JPH3: variants seen among roughly 807,000 people sequenced by gnomAD.
The protein encoded by JPH3 is junctophilin 3.
JPH3 carries 11 observed loss-of-function variants against 59.6 expected under a neutral mutation model. The observed-to-expected ratio is 0.18, with a 90% CI of 0.12 to 0.31. The LOEUF is 0.31. JPH3 is among the 10% of genes least tolerant of loss of function. JPH3 has a pLI of 1.00. For missense variants in JPH3, 1,202 were observed against 1,105.7 expected, an observed-to-expected ratio of 1.09 and a Z score of -1.24; for synonymous variants, 673 against 483.6, an observed-to-expected ratio of 1.39 and a Z score of -5.14.
rs1351529512 is a variant in JPH3 at position 87,690,310 on chromosome 16, C to T, written c.1950C>T (p.Phe650=). The change falls in exon 4 of 5, where the codon TTC becomes TTT. Residue 650 remains phenylalanine (F), a synonymous_variant. Transcript: ENST00000284262. ...GDDHRPEDRG[F]GVQRLRSKAQ... is the part of the protein sequence containing the mutation. ...ACCACCGCCCCGAGGACCGGGGCTT[C>T]GGGGTGCAGAGACTGCGGTCCAAGG... The T allele has an allele frequency of 3.8e-6, 6 of 1,594,718 alleles. No individual in the cohort carries two copies. The highest frequency in any genetic ancestry group is 2.3e-5 in the East Asian group (1 of 43,890).
Position 87,629,091 on chromosome 16 carries a change from C to G in JPH3, c.383-15167C>G, listed in dbSNP as rs2031478410. 2.0e-5 allele frequency among the ~76,000 whole-genome samples: 3 copies of G among 152,026 alleles called. No homozygotes were observed. The East Asian group carries it at 5.9e-4, about 30-fold the overall frequency. The stretch of plus-strand genomic sequence containing the variant: ...GTGGGGGGGGCCCAGGTCTCCACCT[C>G]TTGTTGCTGTGTGGCCTTGGGCAAG... On this transcript the variant is annotated intron_variant, in intron 1 of 4. Coordinates refer to ENST00000284262, the MANE Select transcript of JPH3 (RefSeq NM_020655.4).
intron 3 of JPH3, 55 bp from the exon 4 acceptor site, chr16:87,689,591 C>T (rs1172483210): frequency 3.8e-6 from 6 of 1,572,772 alleles, no homozygotes; most frequent in East Asian, 2.4e-5. Flanking sequence ...ACCGCGGCCT[C>T]GCTGTGGAAT....
At chr16:87,647,172 C>G (rs2032180380) in intron 2 of JPH3, among the ~76,000 whole-genome samples, 1 of 152,006 alleles carries the variant, frequency 6.6e-6, no homozygotes. Context: ...GGGGGAGATG[C>G]CTACGTATAA....
At chr16:87,664,095 G>A (rs2032785859) in intron 2 of JPH3, among the ~76,000 whole-genome samples, 1 of 152,120 alleles carries the variant, frequency 6.6e-6, no homozygotes, top group Non-Finnish European at 1.5e-5. Flanking sequence ...ACTTTGGGAG[G>A]CCGAGGCGGG....
At position 87,649,565 on chromosome 16, in the gene JPH3, A is replaced by T. The variant is rs529422457; in HGVS notation, c.1160+4530A>T. Among the ~76,000 whole-genome samples, 67 of 152,306 alleles carry T rather than the reference A, an allele frequency of 4.4e-4. 1 individual carries two copies. Among genetic ancestry groups the T allele is most frequent in the Admixed American group, 3.7e-3 (57 of 15,306 alleles). On this transcript the variant is annotated intron_variant, in intron 2 of 4. Coordinates refer to ENST00000284262, the MANE Select transcript of JPH3 (RefSeq NM_020655.4). ...ATGTGTCACCCATCCTAGAGAAGAA[A>T]GTCCTGCAGTGTGACATGGCTTCAT...
rs4989519 is a variant in JPH3, at chr16:87,677,229, A to T, written c.1161-6913A>T. 4.0e-5 allele frequency among the ~76,000 whole-genome samples: 5 copies of T among 126,068 alleles called. 1 individual carries two copies. Among genetic ancestry groups the T allele is most frequent in the Admixed American group, 1.6e-4 (2 of 12,282 alleles). 82.7% of individuals were successfully genotyped at this position (126,068 alleles called of 152,430 possible). Reference sequence around the variant, plus strand: ...ACACACACACACACACACACACAAAAAAAAAAATTAGCCGGGTGTGGTGGG... The same window carrying T: ...ACACACACACACACACACACACAAATAAAAAAATTAGCCGGGTGTGGTGGG... On this transcript the variant is annotated intron_variant, in intron 2 of 4. Coordinates refer to ENST00000284262, the MANE Select transcript of JPH3 (RefSeq NM_020655.4).
rs1218615096 is a variant in JPH3 at position 87,695,836 on chromosome 16, C to T, written c.2167-744C>T. The stretch of plus-strand genomic sequence containing the variant: ...TTGTGAGACGTGTCCTACCTGGCCC[C>T]GGCAAGCACAGGGAAGGTGGCAGCT... On this transcript the variant is annotated intron_variant, in intron 4 of 4. Transcript: ENST00000284262. 12 of 455,916 alleles carry T rather than the reference C, an allele frequency of 2.6e-5. No homozygotes were observed. The Middle Eastern group carries it at 9.7e-4, about 37-fold the overall frequency. 28.2% of individuals were successfully genotyped at this position (455,916 alleles called of 1,614,324 possible).
chr16:87,695,393 C>G (rs1038122251), intron 4 of JPH3: 1 of 456,136 alleles, frequency 2.2e-6, no homozygotes, highest in South Asian at 1.5e-5. Flanking sequence ...ACCTTCAGGA[C>G]AAGCCCTGGT....
chr16:87,658,140 C>A (rs916131144), intron 2 of JPH3, among the ~76,000 whole-genome samples: 7 of 152,152 alleles, frequency 4.6e-5, no homozygotes, highest in Non-Finnish European at 8.8e-5. Flanking sequence ...GGGCCCAACA[C>A]CAACCTGGGT....
intron 4 of JPH3, chr16:87,695,185 G>T (rs1052891293): frequency 1.6e-5 from 6 of 379,928 alleles, no homozygotes; most frequent in Non-Finnish European, 3.1e-5. Flanking sequence ...CCGTTGTTCG[G>T]GCTCCCCTCC....
chr16:87,666,314 C>T (rs766593660), intron 2 of JPH3, among the ~76,000 whole-genome samples: 5 of 151,908 alleles, frequency 3.3e-5, no homozygotes, highest in Non-Finnish European at 5.9e-5. Flanking sequence ...GTCTAGAACT[C>T]CTGACCTCAG....
intron 2 of JPH3, among the ~76,000 whole-genome samples, chr16:87,652,429 A>G (rs908222357): frequency 1.3e-5 from 2 of 152,274 alleles, no homozygotes; most frequent in Admixed American, 6.5e-5. Context: ...ATATAATGCT[A>G]TAGCACGCTT....
chr16:87,643,290 G>A (rs2032016344), intron 1 of JPH3, among the ~76,000 whole-genome samples: 3 of 152,246 alleles, frequency 2.0e-5, no homozygotes, highest in African/African-American at 7.2e-5. Flanking sequence ...CCATTTACCA[G>A]GTGATGGACT....
chr16:87,679,494 A>G (rs60596770), intron 2 of JPH3, among the ~76,000 whole-genome samples: 2,802 of 152,320 alleles, frequency 0.018, 79 homozygotes, highest in African/African-American at 0.063. Context: ...GCCCATTAAA[A>G]TAATTGCAGG....
At chr16:87,636,086 C>T (rs1235026768) in intron 1 of JPH3, among the ~76,000 whole-genome samples, 1 of 151,874 alleles carries the variant, frequency 6.6e-6, no homozygotes, top group Non-Finnish European at 1.5e-5. Flanking sequence ...GTCCCCCCGA[C>T]ACTGGGTCCT....
At chr16:87,665,684 C>G (rs1363471859) in intron 2 of JPH3, among the ~76,000 whole-genome samples, 2 of 152,222 alleles carry the variant, frequency 1.3e-5, no homozygotes, top group Non-Finnish European at 2.9e-5. Flanking sequence ...GAGAGGCACT[C>G]AACAACCACG....
At chr16:87,670,203 G>A (rs1000156900) in intron 2 of JPH3, among the ~76,000 whole-genome samples, 4 of 152,184 alleles carry the variant, frequency 2.6e-5, no homozygotes, top group South Asian at 2.1e-4. Context: ...GCCCAGCAGC[G>A]AGGGTGGGGG....
intron 2 of JPH3, among the ~76,000 whole-genome samples, chr16:87,657,046 C>G (rs575439998): frequency 6.6e-5 from 10 of 152,276 alleles, no homozygotes; most frequent in Non-Finnish European, 1.5e-5. Context: ...AAGGCCCTAT[C>G]TCCACATATA....
chr16:87,632,261 T>C (rs530994977), intron 1 of JPH3, among the ~76,000 whole-genome samples: 29 of 152,262 alleles, frequency 1.9e-4, no homozygotes, highest in Middle Eastern at 3.4e-3. Flanking sequence ...TGCTGAAGCA[T>C]TGGCGAAAAG....
Sources: allele counts gnomAD v4.1 joint callset (sites outside exome capture counted in the v4.1 genomes callset), GRCh38; gene constraint gnomAD v4.1.1; transcripts MANE v1.5; gene names NCBI Gene and HGNC (gene_info 2026-07-23, HGNC 2026-07-21).